The following ZMYM4 variants were observed in gnomAD, a reference collection of about 807,000 sequenced individuals.
The protein encoded by ZMYM4 is zinc finger MYM-type protein 4.
In ZMYM4, 31 loss-of-function variants were observed where a neutral mutation model predicts 183.2. The ratio of observed to expected loss-of-function variants is 0.17; its 90% CI spans 0.13 to 0.23. The LOEUF (loss-of-function observed/expected upper bound fraction) is 0.23, where lower values mean the gene tolerates loss of function less well. ZMYM4 is among the 10% of genes least tolerant of loss of function. ZMYM4 has a pLI of 1.00. For synonymous variants in ZMYM4, 592 were observed against 631.2 expected, an observed-to-expected ratio of 0.94 and a Z score of 0.93; for missense variants, 1,273 against 1,840.3, an observed-to-expected ratio of 0.69 and a Z score of 5.64.
At chr1:35,353,535 C>T (rs1364015937) in intron 2 of ZMYM4, among the ~76,000 whole-genome samples, 1 of 152,116 alleles carries the variant, frequency 6.6e-6, no homozygotes, top group Non-Finnish European at 1.5e-5. Context: ...TCCAGCCATA[C>T]CATCCTTGCT....
At chr1:35,377,488 TC>T (rs1385056169) in intron 7 of ZMYM4, among the ~76,000 whole-genome samples, 5 of 152,194 alleles carry the variant, frequency 3.3e-5, no homozygotes, top group Non-Finnish European at 5.9e-5. Flanking sequence ...TAGCCATACT[TC>T]AGAGATATTC....
Position 35,380,547 on chromosome 1 carries a change from C to T in ZMYM4, c.1182-712C>T, listed in dbSNP as rs566820667. Among the ~76,000 whole-genome samples, 400 of 152,166 alleles carry T rather than the reference C, an allele frequency of 2.6e-3. 1 individual carries two copies. Among genetic ancestry groups the T allele is most frequent in the Middle Eastern group, 0.017 (5 of 292 alleles). ...TTCACCGTGTTAGCCAGGATGCTCTCGATCTCCTGACCTTGTGATCCGCCA... is the reference window on the plus strand; with the variant it reads ...TTCACCGTGTTAGCCAGGATGCTCTTGATCTCCTGACCTTGTGATCCGCCA... On this transcript the variant is annotated intron_variant, in intron 7 of 29. Transcript: ENST00000314607.
At chr1:35,296,245 C>T (rs1443077900) in intron 1 of ZMYM4, among the ~76,000 whole-genome samples, 1 of 152,204 alleles carries the variant, frequency 6.6e-6, no homozygotes, top group South Asian at 2.1e-4. Flanking sequence ...GATGAGTCCA[C>T]TTCAGGATTC....
At chr1:35,348,440 C>G (rs910810532) in intron 2 of ZMYM4, among the ~76,000 whole-genome samples, 1 of 152,162 alleles carries the variant, frequency 6.6e-6, no homozygotes, top group Non-Finnish European at 1.5e-5. Context: ...GCTTTCTGTT[C>G]TAGCCCATTA....
chr1:35,353,247 T>C (rs891338270), intron 2 of ZMYM4, among the ~76,000 whole-genome samples: 2 of 152,242 alleles, frequency 1.3e-5, no homozygotes, highest in Non-Finnish European at 2.9e-5. Context: ...CTTGGGTTAT[T>C]GTAGCTTCCT....
chr1:35,277,689 A>G (rs993821942), intron 1 of ZMYM4, among the ~76,000 whole-genome samples: 1 of 152,192 alleles, frequency 6.6e-6, no homozygotes, highest in Non-Finnish European at 1.5e-5. Context: ...TCTTTCATAA[A>G]GAATTCCCTC....
intron 11 of ZMYM4, 80 bp from the exon 12 acceptor site, chr1:35,386,923 G>A: frequency 6.9e-7 from 1 of 1,455,184 alleles, no homozygotes; most frequent in Non-Finnish European, 9.2e-7. Flanking sequence ...CTAGAACGGT[G>A]CTTGGCATAT....
At chr1:35,363,960 A>T (rs1644007401) in intron 5 of ZMYM4, among the ~76,000 whole-genome samples, 1 of 152,196 alleles carries the variant, frequency 6.6e-6, no homozygotes. Flanking sequence ...TCCTTGGGAC[A>T]AAAAGGCACT....
chr1:35,410,564 C>T (rs1639845012), intron 26 of ZMYM4, among the ~76,000 whole-genome samples: 1 of 151,886 alleles, frequency 6.6e-6, no homozygotes, highest in African/African-American at 2.4e-5. Context: ...TCTGGGCTCA[C>T]TGCAAGCTGC....
chr1:35,276,290 CCCT>C (rs995107822), intron 1 of ZMYM4, among the ~76,000 whole-genome samples: 4 of 117,802 alleles, frequency 3.4e-5, no homozygotes, highest in Admixed American at 2.2e-4. Context: ...CTTCTTTCTT[CCCT>C]CCTTTCCTTT....
intron 2 of ZMYM4, among the ~76,000 whole-genome samples, chr1:35,344,492 C>T (rs992727963): frequency 1.3e-5 from 2 of 151,562 alleles, no homozygotes; most frequent in African/African-American, 4.9e-5. Context: ...TTTATAGATG[C>T]CCTCTCTCAG....
At position 35,420,265 on chromosome 1, in the gene ZMYM4, C is replaced by T. The variant is rs567681828; in HGVS notation, c.*588C>T. On this transcript the variant is annotated 3_prime_UTR_variant, in exon 30 of 30. Coordinates refer to ENST00000314607, the MANE Select transcript of ZMYM4 (RefSeq NM_005095.3). ...AAGGACAGAAGCTTTTGCCATGGGCCCCTCACATCAGGGAAAATGACCTTC... is the reference window on the plus strand; with the variant it reads ...AAGGACAGAAGCTTTTGCCATGGGCTCCTCACATCAGGGAAAATGACCTTC... The T allele has an allele frequency of 1.3e-5, 2 of 156,134 alleles. No homozygotes were observed. Among genetic ancestry groups the T allele is most frequent in the East Asian group, 3.8e-4 (2 of 5,284 alleles). The allele number at this position is 156,134 out of a possible 1,614,324, so 9.7% of individuals were successfully genotyped here. A position where few individuals can be genotyped will look rare whatever the true frequency, so the allele number is the denominator to read the frequency against.
rs7513761 is a variant in ZMYM4, at chr1:35,389,286, A to G, written c.2436+204A>G. Among the ~76,000 whole-genome samples the G allele has an allele frequency of 0.024, 3,648 of 152,318 alleles. 155 individuals are homozygous for G. Among genetic ancestry groups the G allele is most frequent in the African/African-American group, 0.08 (3,340 of 41,562 alleles). On this transcript the variant is annotated intron_variant, in intron 14 of 29. Transcript: ENST00000314607. This position sits in a 1 kb window ranked among gnomAD's most constrained non-coding sequence, Gnocchi z 4.0. ...TTGTTTTTAATTTCCTGTAGGAGAC[A>G]TATCAGTCTTAAGACATTAAAATAT...
Position 35,352,597 on chromosome 1 carries a change from G to A in ZMYM4, c.86-6328G>A, listed in dbSNP as rs148564137. Among the ~76,000 whole-genome samples the A allele has an allele frequency of 3.5e-3, 528 of 152,286 alleles. 2 individuals carry two copies. Among genetic ancestry groups the A allele is most frequent in the Non-Finnish European group, 4.8e-3 (328 of 68,022 alleles). On this transcript the variant is annotated intron_variant, in intron 2 of 29. Transcript: ENST00000314607. ...CACTCATTTTCCCACTGATGTAGCT[G>A]TTCTCAAGTTAGAAGTTAAGTTCTC...
intron 2 of ZMYM4, among the ~76,000 whole-genome samples, chr1:35,345,500 T>C (rs1403413605): frequency 1.3e-5 from 2 of 151,948 alleles, no homozygotes; most frequent in Non-Finnish European, 2.9e-5. Context: ...TTGCCCAGGC[T>C]CTAGAGGGCA....
At chr1:35,393,454 C>A in intron 17 of ZMYM4, 141 bp from the exon 18 acceptor site, 1 of 705,588 alleles carries the variant, frequency 1.4e-6, no homozygotes, top group Non-Finnish European at 2.2e-6. Context: ...TATTGTATTT[C>A]TTATACATTT....
rs145365527 is a variant in ZMYM4 at position 35,322,366 on chromosome 1, T to A, written c.40-2994T>A. On this transcript the variant is annotated intron_variant, in intron 1 of 29. Coordinates refer to ENST00000314607, the MANE Select transcript of ZMYM4 (RefSeq NM_005095.3). Reference sequence around the variant, plus strand: ...ATATAGTCAAACTTTAAAATCTTTTTCATGAAGATCTCTTTTTCTGGTTAA... The same window carrying A: ...ATATAGTCAAACTTTAAAATCTTTTACATGAAGATCTCTTTTTCTGGTTAA... 8.5e-5 allele frequency among the ~76,000 whole-genome samples: 13 copies of A among 152,334 alleles called. 2 individuals are homozygous for A. The highest frequency in any genetic ancestry group is 2.6e-4 in the African/African-American group (11 of 41,582).
At chr1:35,313,963 A>T (rs1250583777) in intron 1 of ZMYM4, among the ~76,000 whole-genome samples, 1 of 152,092 alleles carries the variant, frequency 6.6e-6, no homozygotes, top group African/African-American at 2.4e-5. Flanking sequence ...TCATTCACAT[A>T]CTCTTAGTTC....
chr1:35,363,009 A>C (rs759174526), intron 5 of ZMYM4, among the ~76,000 whole-genome samples: 1 of 152,228 alleles, frequency 6.6e-6, no homozygotes, highest in Admixed American at 6.5e-5. Flanking sequence ...CATCTCTACT[A>C]AAAATACAAA....
Sources: gnomAD v4.1 joint callset for allele counts (sites outside exome capture counted in the v4.1 genomes callset) on GRCh38, gnomAD v4.1.1 for gene constraint, Gnocchi (gnomAD v3.1) non-coding constraint, MANE v1.5 for transcripts, NCBI Gene and HGNC (gene_info 2026-07-23, HGNC 2026-07-21) for gene names.